The following MED13L variants were observed in gnomAD, a reference collection of about 807,000 sequenced individuals.
MED13L encodes mediator of RNA polymerase II transcription subunit 13-like.
A neutral mutation model predicts 220.9 loss-of-function variants in MED13L; 7 were observed. The observed-to-expected ratio is 0.03, with a 90% CI of 0.02 to 0.06. The LOEUF (loss-of-function observed/expected upper bound fraction) is 0.06. Among genes scored for constraint, MED13L ranks in the 10% least tolerant of loss-of-function variants. MED13L has a pLI of 1.00. For missense variants in MED13L, 1,965 were observed against 2,760.5 expected (o/e 0.71, Z 6.46); for synonymous variants, 1,011 against 1,015.2 (o/e 1.00, Z 0.08).
At chr12:116,014,034 TAAAGG>T (rs1879578694) in intron 8 of MED13L, among the ~76,000 whole-genome samples, 1 of 152,244 alleles carries the variant, frequency 6.6e-6, no homozygotes, top group South Asian at 2.1e-4. Context: ...CCAATTATTC[TAAAGG>T]AAAGGACCAT....
At chr12:116,256,681 A>AC (rs1284598172) in intron 1 of MED13L, among the ~76,000 whole-genome samples, 4 of 102,480 alleles carry the variant, frequency 3.9e-5, no homozygotes, top group African/African-American at 1.5e-4. Flanking sequence ...AAAACAAACT[A>AC]CTTTTTTTTT....
At chr12:116,221,211 T>TA (rs994304393) in intron 2 of MED13L, among the ~76,000 whole-genome samples, 120 of 151,790 alleles carry the variant, frequency 7.9e-4, no homozygotes, top group African/African-American at 2.8e-3. Context: ...CCCATCTCTA[T>TA]AAAAAACACA....
intron 13 of MED13L, among the ~76,000 whole-genome samples, chr12:116,004,540 A>G (rs749561114): frequency 6.6e-6 from 1 of 152,140 alleles, no homozygotes; most frequent in Admixed American, 6.5e-5. Context: ...AGAGGAACAC[A>G]TATTAGTACA....
At chr12:116,086,387 G>A (rs532429380) in intron 4 of MED13L, among the ~76,000 whole-genome samples, 5 of 151,112 alleles carry the variant, frequency 3.3e-5, no homozygotes, top group East Asian at 1.9e-4. Context: ...GGGTTCAAGC[G>A]ATTCTCCTGC....
At chr12:116,210,492 A>G (rs561968544) in intron 2 of MED13L, among the ~76,000 whole-genome samples, 1 of 148,832 alleles carries the variant, frequency 6.7e-6, no homozygotes, top group Admixed American at 6.7e-5. Context: ...ATTCTGTTTA[A>G]CACCTCCCTA....
chr12:116,148,051 C>CAAAA (rs10678970), intron 2 of MED13L, among the ~76,000 whole-genome samples: 372 of 18,110 alleles, frequency 0.021, 20 homozygotes, highest in African/African-American at 0.073. Flanking sequence ...GACCCCATCT[C>CAAAA]AAAAAAAAAA....
intron 2 of MED13L, among the ~76,000 whole-genome samples, chr12:116,226,997 C>A (rs1869077656): frequency 6.6e-6 from 1 of 150,952 alleles, no homozygotes; most frequent in South Asian, 2.1e-4. Flanking sequence ...ATACTTATAG[C>A]TGAGTATATC....
At chr12:116,211,934 A>ATAG (rs1170293770) in intron 2 of MED13L, among the ~76,000 whole-genome samples, 1 of 152,148 alleles carries the variant, frequency 6.6e-6, no homozygotes, top group Non-Finnish European at 1.5e-5. Flanking sequence ...GAGTAGGCAT[A>ATAG]TAGTACTGTA....
Position 116,015,187 on chromosome 12 carries a change from C to T in MED13L, c.1097G>A (p.Gly366Glu), listed in dbSNP as rs1879650324. Reference sequence around the variant, plus strand: ...ATTGTGGAGTTTTGGAGGAATCTTCCCCGATCTCTTTGGACTGTGCATCGT... The same window carrying T: ...ATTGTGGAGTTTTGGAGGAATCTTCTCCGATCTCTTTGGACTGTGCATCGT... Reference protein sequence around the residue: ...MITMHSPKRSGKIPPKLHNHM... With the variant: ...MITMHSPKRSEKIPPKLHNHM... Residue 366 changes from glycine to glutamate, a missense_variant, in exon 8 of 31, where the codon GGG becomes GAG. Coordinates refer to ENST00000281928, the MANE Select transcript of MED13L (RefSeq NM_015335.5). The T allele has an allele frequency of 6.2e-7, 1 of 1,613,688 alleles. No homozygotes were observed. The highest frequency in any genetic ancestry group is 1.1e-5 in the South Asian group (1 of 91,082).
chr12:116,102,703 C>CCTTTTTTTTTTT (rs1873175799), intron 3 of MED13L, among the ~76,000 whole-genome samples: 4 of 63,204 alleles, frequency 6.3e-5, no homozygotes, highest in African/African-American at 2.1e-4. Context: ...TTTTCTTTTT[C>CCTTTTTTTTTTT]TTTTTTCTTT....
At chr12:116,197,497 T>C (rs1881707035) in intron 2 of MED13L, among the ~76,000 whole-genome samples, 2 of 152,170 alleles carry the variant, frequency 1.3e-5, no homozygotes, top group South Asian at 4.1e-4. Context: ...CCAGGCGTGG[T>C]GGCTCACCCC....
At chr12:116,168,507 T>C (rs1879450276) in intron 2 of MED13L, among the ~76,000 whole-genome samples, 1 of 152,186 alleles carries the variant, frequency 6.6e-6, no homozygotes. Flanking sequence ...TCTGATCCTG[T>C]GTTCACCTAG....
In MED13L at chr12:115,980,820, T is replaced by C. The variant is rs369933421; in HGVS notation, c.5294A>G (p.Gln1765Arg). The change falls in exon 23 of 31, where the codon CAG becomes CGG. Residue 1765 changes from glutamine (Q) to arginine (R), a missense_variant. This residue lies in a region of MED13L where 510 missense variants were observed against 620.4 expected (regional missense o/e 0.82). Coordinates refer to ENST00000281928, the MANE Select transcript of MED13L (RefSeq NM_015335.5). The stretch of plus-strand genomic sequence containing the variant: ...TCCCGTGAGGGATTTAATGTGGATC[T>C]GTGTAGGCAGTGGTCGCCTGCACTG... The part of the protein sequence containing the change: ...YCQCRRPLPT[Q>R]IHIKSLTGFG... 3.7e-6 allele frequency: 6 copies of C among 1,613,952 alleles called. No individual in the cohort carries two copies. In the African/African-American group the frequency reaches 5.3e-5, roughly 14 times the overall value.
chr12:116,203,591 G>A (rs1463591390), intron 2 of MED13L, among the ~76,000 whole-genome samples: 2 of 152,036 alleles, frequency 1.3e-5, no homozygotes, highest in Admixed American at 6.6e-5. Flanking sequence ...AGACCGAAGT[G>A]GGCAAATCAC....
chr12:116,251,864 T>G (rs975236547), intron 1 of MED13L, among the ~76,000 whole-genome samples: 3 of 150,830 alleles, frequency 2.0e-5, no homozygotes, highest in Non-Finnish European at 2.9e-5. Context: ...AAAAAAGATA[T>G]ACTGTGCAAA....
At chr12:116,116,088 G>C (rs906158328) in intron 2 of MED13L, among the ~76,000 whole-genome samples, 2 of 152,114 alleles carry the variant, frequency 1.3e-5, no homozygotes, top group Non-Finnish European at 2.9e-5. Flanking sequence ...TAAAATCCTT[G>C]AAATGTCTAG....
intron 2 of MED13L, among the ~76,000 whole-genome samples, chr12:116,198,782 T>C (rs1881817416): frequency 6.6e-6 from 1 of 152,184 alleles, no homozygotes; most frequent in South Asian, 2.1e-4. Context: ...ATAGTAAGCA[T>C]GCAAAACCTA....
intron 2 of MED13L, among the ~76,000 whole-genome samples, chr12:116,143,531 C>T (rs1190471454): frequency 1.3e-5 from 2 of 152,148 alleles, no homozygotes; most frequent in Non-Finnish European, 2.9e-5. Context: ...ACATTAAGTA[C>T]ATTAGCTAGG....
chr12:116,078,986 T>C (rs979253207), intron 4 of MED13L, among the ~76,000 whole-genome samples: 8 of 152,198 alleles, frequency 5.3e-5, no homozygotes, highest in Non-Finnish European at 7.3e-5. Context: ...AAGTGTACAG[T>C]GGAGTTTTCC....
Sources: allele counts gnomAD v4.1 joint callset (sites outside exome capture counted in the v4.1 genomes callset), GRCh38; gene constraint gnomAD v4.1.1; regional missense constraint gnomAD v4.1.1; transcripts MANE v1.5; gene names NCBI Gene and HGNC (gene_info 2026-07-23, HGNC 2026-07-21).